The following ZNF391 variants were observed in gnomAD, a reference collection of about 807,000 sequenced individuals.
ZNF391 encodes the protein zinc finger protein 391.
For synonymous variants in ZNF391, 126 were observed against 142.1 expected (o/e 0.89, Z 0.80); for missense variants, 375 against 425.5 (o/e 0.88, Z 1.04).
intron 1 of ZNF391, among the ~76,000 whole-genome samples, chr6:27,390,643 G>A (rs746957958): frequency 6.6e-6 from 1 of 152,152 alleles, no homozygotes; most frequent in South Asian, 2.1e-4. Context: ...GAAAAAGAAT[G>A]CATCTCTCCA....
chr6:27,398,154 A>C (rs749774750), intron 1 of ZNF391, among the ~76,000 whole-genome samples: 16 of 152,230 alleles, frequency 1.1e-4, no homozygotes, highest in Middle Eastern at 3.2e-3. Flanking sequence ...TCTATGAGAA[A>C]GGAAAGATTT....
rs1457979909 is a variant in ZNF391 at position 27,402,963 on chromosome 6, C to G, written c.*1516C>G. 6.6e-6 allele frequency: 1 copy of G among 152,102 alleles called. No homozygotes were observed. Among genetic ancestry groups the G allele is most frequent in the Non-Finnish European group, 1.5e-5 (1 of 68,034 alleles). The allele number at this position is 152,102 out of a possible 1,614,324, so 9.4% of individuals were successfully genotyped here. A position where few individuals can be genotyped will look rare whatever the true frequency, so the allele number is the denominator to read the frequency against. On this transcript the variant is annotated 3_prime_UTR_variant, in exon 3 of 3. Transcript: ENST00000244576. Reference sequence around the variant, plus strand: ...GACACTAAATGCTCTGTAATTATTGCTCACTGATTCCTCTTTATCTGTAAT... The same window carrying G: ...GACACTAAATGCTCTGTAATTATTGGTCACTGATTCCTCTTTATCTGTAAT...
chr6:27,393,902 T>C (rs12529458), intron 1 of ZNF391, among the ~76,000 whole-genome samples: 63,791 of 152,010 alleles, frequency 0.42, 14,018 homozygotes, highest in South Asian at 0.56. Context: ...TTCAGAGTGT[T>C]GATTTAGGGT....
intron 1 of ZNF391, among the ~76,000 whole-genome samples, chr6:27,383,483 A>T (rs1761539245): frequency 6.6e-6 from 1 of 152,208 alleles, no homozygotes. Context: ...TATTAACAAA[A>T]GAAATTTATT....
chr6:27,377,510 C>G (rs1008699706), intron 1 of ZNF391, among the ~76,000 whole-genome samples: 1 of 152,190 alleles, frequency 6.6e-6, no homozygotes, highest in Non-Finnish European at 1.5e-5. Context: ...AAAGGCTAAT[C>G]AGAAACTCAA....
At chr6:27,396,450 C>T (rs1039769801) in intron 1 of ZNF391, among the ~76,000 whole-genome samples, 2 of 152,088 alleles carry the variant, frequency 1.3e-5, no homozygotes, top group Non-Finnish European at 2.9e-5. Context: ...TTTGGCTGGA[C>T]GTGGTGGCTC....
intron 1 of ZNF391, among the ~76,000 whole-genome samples, chr6:27,389,940 T>TGTGTTC (rs1761667893): frequency 6.6e-6 from 1 of 151,768 alleles, no homozygotes; most frequent in African/African-American, 2.4e-5. Flanking sequence ...TGTGGATCAT[T>TGTGTTC]GAGTTTGTGC....
intron 1 of ZNF391, among the ~76,000 whole-genome samples, chr6:27,383,496 T>G (rs1233745740): frequency 1.3e-5 from 2 of 152,172 alleles, no homozygotes; most frequent in African/African-American, 4.8e-5. Context: ...AATTTATTTC[T>G]TATACCTCTG....
chr6:27,396,844 TAAC>T (rs752361259), intron 1 of ZNF391, among the ~76,000 whole-genome samples: 1 of 152,190 alleles, frequency 6.6e-6, no homozygotes, highest in Admixed American at 6.5e-5. Context: ...AGGTAATTAT[TAAC>T]AACTTTTTTG....
rs16898738 is a variant in ZNF391 at position 27,377,288 on chromosome 6, C to T, written n.523+2151C>T. Among the ~76,000 whole-genome samples the T allele has an allele frequency of 3.6e-3, 552 of 152,314 alleles. 4 individuals carry two copies. Among genetic ancestry groups the T allele is most frequent in the African/African-American group, 0.013 (523 of 41,564 alleles). ...TGGAAACAACAGAGGAGACAATTAA[C>T]CAGAACTCCGACCACAAGGCCAATT... is the stretch of plus-strand genomic sequence containing the variant. On this transcript the variant is annotated intron_variant and non_coding_transcript_variant, in intron 1 of 2. Transcript: ENST00000477999.
In ZNF391 at chr6:27,388,951, C is replaced by T. The variant is rs1761635374; in HGVS notation, c.-312C>T. 1 of 456,434 alleles carries T rather than the reference C, an allele frequency of 2.2e-6. No individual in the cohort carries two copies. The highest frequency in any genetic ancestry group is 4.4e-6 in the Non-Finnish European group (1 of 226,896). The allele number at this position is 456,434 out of a possible 1,614,324, so 28.3% of individuals were successfully genotyped here. A position where few individuals can be genotyped will look rare whatever the true frequency, so the allele number is the denominator to read the frequency against. On this transcript the variant is annotated 5_prime_UTR_variant, in exon 1 of 3. Transcript: ENST00000244576. ...TCGACGCATGGGTTTCTCTTTAATCCTTCCGACTTCCCCAAGCCCAGCGCA... is the reference window on the plus strand; with the variant it reads ...TCGACGCATGGGTTTCTCTTTAATCTTTCCGACTTCCCCAAGCCCAGCGCA...
At chr6:27,393,567 A>C in intron 1 of ZNF391, among the ~76,000 whole-genome samples, 1 of 152,186 alleles carries the variant, frequency 6.6e-6, no homozygotes, top group South Asian at 2.1e-4. Flanking sequence ...AATACAGCAA[A>C]TTGGTACTGA....
At position 27,396,425 on chromosome 6, in the gene ZNF391, C is replaced by CA. The variant is rs11365608; in HGVS notation, c.-187-3010dup. On this transcript the variant is annotated intron_variant, in intron 1 of 2. Coordinates refer to ENST00000244576, the MANE Select transcript of ZNF391 (RefSeq NM_001076781.3). ...TGAAAAATTCCTAATAACATTGAAA[C>CA]AAAAAAATGTATATTTTGGCTGGAC... Among the ~76,000 whole-genome samples the CA allele has an allele frequency of 2.3e-4, 35 of 151,950 alleles. No individual in the cohort carries two copies. The East Asian group carries it at 6.4e-3, about 28-fold the overall frequency.
intron 1 of ZNF391, among the ~76,000 whole-genome samples, chr6:27,390,138 C>G (rs1761671713): frequency 6.6e-6 from 1 of 152,186 alleles, no homozygotes; most frequent in South Asian, 2.1e-4. Context: ...ACAAAGCACC[C>G]AGAGAAGCCC....
At chr6:27,394,808 C>T (rs1414943927) in intron 1 of ZNF391, among the ~76,000 whole-genome samples, 2 of 152,350 alleles carry the variant, frequency 1.3e-5, no homozygotes, top group East Asian at 1.9e-4. Context: ...CTTGGGAACC[C>T]ACCCCTTGCA....
Position 27,401,168 on chromosome 6 carries a change from A to T in ZNF391, c.798A>T (p.Glu266Asp), listed in dbSNP as rs1761954694. The T allele has an allele frequency of 6.2e-7, 1 of 1,614,104 alleles. No homozygotes were observed. Among genetic ancestry groups the T allele is most frequent in the Non-Finnish European group, 8.5e-7 (1 of 1,180,030 alleles). The stretch of plus-strand genomic sequence containing the variant: ...TCAGTTGGATCTCATCGCTTACTGA[A>T]CATCAGAGAACACACACTGGGGAGA... ...KAFSWISSLT[E>D]HQRTHTGENP... Residue 266 changes from glutamate to aspartate, a missense_variant, in exon 3 of 3, where the codon GAA becomes GAT. By Grantham distance (45) the Glu-to-Asp change is conservative (BLOSUM62 2). Transcript: ENST00000244576.
chr6:27,384,090 C>T (rs1036907787), upstream of ZNF391, among the ~76,000 whole-genome samples: 8 of 152,146 alleles, frequency 5.3e-5, 1 homozygote, highest in Admixed American at 5.2e-4. Context: ...TGCCAGTAGA[C>T]TTGTCTTGCA....
chr6:27,400,586 C>T lies in ZNF391; in HGVS notation c.216C>T (p.Asp72=), dbSNP rs61740694. The T allele has an allele frequency of 2.2e-3, 3,572 of 1,614,172 alleles. 42 individuals carry two copies. The African/African-American group carries it at 0.028, about 12-fold the overall frequency. The stretch of plus-strand genomic sequence containing the variant: ...AATTTAGTCTAAGCCCAAACCTTGA[C>T]GCACAACAGAAAATTCCAAAGGGAC... ...SSEFSLSPNL[D]AQQKIPKGHG... Residue 72 remains aspartate, a synonymous_variant, in exon 3 of 3, where the codon GAC becomes GAT. Transcript: ENST00000244576.
chr6:27,400,926 A>C lies in ZNF391; in HGVS notation c.556A>C (p.Ile186Leu), dbSNP rs377576181. Reference protein sequence around the residue: ...RSTHLSLHQRIHTGEKPYECS... With the variant: ...RSTHLSLHQRLHTGEKPYECS... ...CACACATCTTAGTCTACATCAGAGA[A>C]TCCATACTGGAGAAAAACCATATGA... Residue 186 changes from isoleucine (I) to leucine (L), a missense_variant, in exon 3 of 3, where the codon ATC (isoleucine) becomes CTC (leucine). Transcript: ENST00000244576. 5.6e-6 allele frequency: 9 copies of C among 1,614,070 alleles called. No individual in the cohort carries two copies. The highest frequency in any genetic ancestry group is 5.9e-6 in the Non-Finnish European group (7 of 1,180,024).
Sources: allele counts gnomAD v4.1 joint callset (sites outside exome capture counted in the v4.1 genomes callset), GRCh38; gene constraint gnomAD v4.1.1; transcripts MANE v1.5; gene names NCBI Gene and HGNC (gene_info 2026-07-23, HGNC 2026-07-21).